MGAT4C: variants seen among roughly 807,000 people sequenced by gnomAD.
The protein encoded by MGAT4C is alpha-1,3-mannosyl-glycoprotein 4-beta-N-acetylglucosaminyltransferase C.
In MGAT4C, 19 loss-of-function variants were observed where a neutral mutation model predicts 40.1. The ratio of observed to expected loss-of-function variants is 0.47; its 90% confidence interval spans 0.33 to 0.70. MGAT4C has a LOEUF of 0.70. MGAT4C is among the 30% of genes least tolerant of loss of function. The pLI is 0.02. For missense variants in MGAT4C, 491 were observed against 563.2 expected (o/e 0.87, Z 1.30); for synonymous variants, 181 against 187.1 (o/e 0.97, Z 0.27).
intron 2 of MGAT4C, among the ~76,000 whole-genome samples, chr12:86,541,476 G>T (rs1475071108): frequency 2.6e-5 from 4 of 152,050 alleles, no homozygotes; most frequent in Admixed American, 6.6e-5. Flanking sequence ...GCATTGACTT[G>T]TTATTGATTT....
intron 1 of MGAT4C, among the ~76,000 whole-genome samples, chr12:86,778,976 A>T (rs965158903): frequency 6.7e-6 from 1 of 149,960 alleles, no homozygotes; most frequent in Non-Finnish European, 1.5e-5. Context: ...AAATTATATA[A>T]TATAAATATA....
intron 1 of MGAT4C, 58 bp downstream of exon 1, chr12:86,256,181 C>G (rs1952508029): frequency 6.6e-6 from 1 of 152,062 alleles, no homozygotes. Flanking sequence ...AATATTTTCT[C>G]TGTAAGACAC....
intron 1 of MGAT4C, among the ~76,000 whole-genome samples, chr12:86,750,685 C>T (rs1013851066): frequency 3.3e-5 from 5 of 151,850 alleles, no homozygotes; most frequent in Non-Finnish European, 5.9e-5. Flanking sequence ...ATGCTAGTTA[C>T]TAATATAGGT....
chr12:86,220,068 ACCACC>A, intron 1 of MGAT4C, among the ~76,000 whole-genome samples: 1 of 152,248 alleles, frequency 6.6e-6, no homozygotes, highest in East Asian at 1.9e-4. Context: ...GCAAGTTCTT[ACCACC>A]TATACATCAG....
chr12:86,247,888 G>A (rs1312258889), intron 1 of MGAT4C, among the ~76,000 whole-genome samples: 4 of 152,204 alleles, frequency 2.6e-5, no homozygotes, highest in Admixed American at 6.5e-5. Context: ...TTATGGGGAA[G>A]AGGGGAAAGG....
At chr12:86,717,552 A>G (rs897907674) in intron 2 of MGAT4C, among the ~76,000 whole-genome samples, 2 of 152,148 alleles carry the variant, frequency 1.3e-5, no homozygotes, top group African/African-American at 4.8e-5. Flanking sequence ...TTTTTTCCTG[A>G]TAAGTATTTC....
chr12:86,548,355 A>T (rs991331944), intron 2 of MGAT4C, among the ~76,000 whole-genome samples: 6 of 152,230 alleles, frequency 3.9e-5, no homozygotes, highest in Non-Finnish European at 7.4e-5. Flanking sequence ...CAATAGAATA[A>T]TCTCTCAAGG....
chr12:86,664,011 C>A (rs1964041254), intron 2 of MGAT4C, among the ~76,000 whole-genome samples: 1 of 152,044 alleles, frequency 6.6e-6, no homozygotes, highest in Non-Finnish European at 1.5e-5. Context: ...ATTTTATTAC[C>A]TTTTGGGACT....
chr12:86,421,014 A>C (rs908163731), intron 3 of MGAT4C, among the ~76,000 whole-genome samples: 1 of 151,958 alleles, frequency 6.6e-6, no homozygotes, highest in Non-Finnish European at 1.5e-5. Flanking sequence ...TTCACATTTC[A>C]AAACTCCTTT....
intron 1 of MGAT4C, among the ~76,000 whole-genome samples, chr12:86,064,212 A>C (rs1894282155): frequency 1.3e-5 from 2 of 152,172 alleles, no homozygotes; most frequent in African/African-American, 4.8e-5. Context: ...CTCAGACCAC[A>C]GTGCAATCAA....
rs149637488 is a variant in MGAT4C at position 86,720,243 on chromosome 12, G to C, written c.-229+6966C>G. ...CATCCTCAGGGTTGCTGGATTTCTT[G>C]GTAGCTAAAGTCTCCGAAATCATGT... On this transcript the variant is annotated intron_variant, in intron 2 of 7. Transcript: ENST00000548651. Among the ~76,000 whole-genome samples the C allele has an allele frequency of 5.6e-3, 852 of 152,056 alleles. 11 individuals are homozygous for C. The highest frequency in any genetic ancestry group is 0.02 in the African/African-American group (815 of 41,468).
chr12:86,171,113 T>A (rs1468125034), intron 1 of MGAT4C, among the ~76,000 whole-genome samples: 1 of 148,658 alleles, frequency 6.7e-6, no homozygotes, highest in Non-Finnish European at 1.5e-5. Flanking sequence ...GGCTCATCCC[T>A]GTAATCCCAG....
intron 1 of MGAT4C, among the ~76,000 whole-genome samples, chr12:86,249,029 T>G (rs1952158468): frequency 6.6e-6 from 1 of 152,110 alleles, no homozygotes. Context: ...AAATAATTAT[T>G]TAATATATAA....
chr12:86,126,874 C>CGGATAG lies in MGAT4C; in HGVS notation c.-56-77157_-56-77152dup, dbSNP rs950061538. 3.9e-5 allele frequency among the ~76,000 whole-genome samples: 6 copies of CGGATAG among 152,036 alleles called. No individual in the cohort carries two copies. The East Asian group carries it at 1.2e-3, about 29-fold the overall frequency. Reference sequence around the variant, plus strand: ...TTGGGGAAGACAATTTTTCAATGGACGGATAGGGGTGGGCAGTGGTGCAGT... The same window carrying CGGATAG: ...TTGGGGAAGACAATTTTTCAATGGACGGATAGGGATAGGGGTGGGCAGTGGTGCAGT... On this transcript the variant is annotated intron_variant, in intron 1 of 4. Transcript: ENST00000611864.
chr12:86,666,421 A>T (rs1013077702), intron 2 of MGAT4C, among the ~76,000 whole-genome samples: 1 of 151,700 alleles, frequency 6.6e-6, no homozygotes, highest in Non-Finnish European at 1.5e-5. Context: ...TACTGCATTA[A>T]AAAAAAATTC....
chr12:86,775,626 AG>A (rs1034884382), intron 1 of MGAT4C, among the ~76,000 whole-genome samples: 2 of 151,374 alleles, frequency 1.3e-5, no homozygotes, highest in Non-Finnish European at 2.9e-5. Context: ...GGTAGGAGGA[AG>A]GGGAACTTAA....
chr12:86,325,298 A>G (rs975041086), intron 4 of MGAT4C, among the ~76,000 whole-genome samples: 17 of 152,176 alleles, frequency 1.1e-4, no homozygotes, highest in Non-Finnish European at 2.2e-4. Flanking sequence ...TTCCACATTA[A>G]GTTCTCATTA....
At chr12:86,184,736 G>T (rs1467775725) in intron 1 of MGAT4C, among the ~76,000 whole-genome samples, 76 of 34,234 alleles carry the variant, frequency 2.2e-3, no homozygotes, top group East Asian at 3.9e-3. Context: ...TTTTTCTCCT[G>T]TTAAAAAAAA....
At chr12:86,350,553 A>T (rs918582117) in intron 3 of MGAT4C, among the ~76,000 whole-genome samples, 3 of 152,156 alleles carry the variant, frequency 2.0e-5, no homozygotes. Context: ...ACTATAGTCT[A>T]GATGTTATTT....
Sources: allele counts gnomAD v4.1 joint callset (sites outside exome capture counted in the v4.1 genomes callset), GRCh38; gene constraint gnomAD v4.1.1; transcripts MANE v1.5; gene names NCBI Gene and HGNC (gene_info 2026-07-23, HGNC 2026-07-21).